Variants in SEMA3A observed in about 807,000 individuals in gnomAD.
SEMA3A encodes semaphorin 3A.
In SEMA3A, 29 loss-of-function variants were observed where a neutral mutation model predicts 97.9. The ratio of observed to expected loss-of-function variants is 0.30; its 90% CI spans 0.22 to 0.40. The LOEUF (loss-of-function observed/expected upper bound fraction) is 0.40. Ranked by LOEUF, SEMA3A falls within the 10% of genes least tolerant of loss-of-function variation. The probability of loss-of-function intolerance (pLI) is 1.00; values close to 1 mark genes in which losing one functional copy is unlikely to be tolerated. For synonymous variants in SEMA3A, 321 were observed against 323.7 expected (o/e 0.99, Z 0.09); for missense variants, 763 against 951.3 (o/e 0.80, Z 2.60).
chr7:84,255,112 T>C (rs1269972446), intron 3 of SEMA3A, among the ~76,000 whole-genome samples: 2 of 152,126 alleles, frequency 1.3e-5, no homozygotes, highest in Non-Finnish European at 2.9e-5. Flanking sequence ...GGACATTACA[T>C]ACCTGGCTAT....
At chr7:84,114,593 G>A (rs574577621) in intron 3 of SEMA3A, among the ~76,000 whole-genome samples, 121 of 70,364 alleles carry the variant, frequency 1.7e-3, no homozygotes, top group Non-Finnish European at 3.5e-3. Flanking sequence ...CCATTAATAA[G>A]CTTAATTCCT....
intron 1 of SEMA3A, among the ~76,000 whole-genome samples, chr7:84,374,028 G>C (rs567748283): frequency 6.6e-6 from 1 of 152,134 alleles, no homozygotes; most frequent in South Asian, 2.1e-4. Context: ...GAAAAAGCAT[G>C]GTCAACAAGG....
chr7:84,201,210 A>G (rs1403570367), intron 3 of SEMA3A, among the ~76,000 whole-genome samples: 5 of 152,096 alleles, frequency 3.3e-5, no homozygotes, highest in African/African-American at 2.4e-5. Context: ...TACAATCTCT[A>G]TGGCCTAGGA....
At chr7:84,064,228 T>C (rs1304722100) in intron 4 of SEMA3A, among the ~76,000 whole-genome samples, 3 of 151,990 alleles carry the variant, frequency 2.0e-5, no homozygotes, top group Admixed American at 6.6e-5. Flanking sequence ...CTGAGAGATT[T>C]TGTCACCACC....
Position 84,378,719 on chromosome 7 carries a change from A to G in SEMA3A, c.-245-6819T>C, listed in dbSNP as rs1231317026. On this transcript the variant is annotated intron_variant, in intron 1 of 3. Transcript: ENST00000424555. ...ACTTAAAGTATAATGTTAAAAAAAGAATATATATATATACAGTGAATTTAG... is the reference window on the plus strand; with the variant it reads ...ACTTAAAGTATAATGTTAAAAAAAGGATATATATATATACAGTGAATTTAG... 2.0e-5 allele frequency among the ~76,000 whole-genome samples: 3 copies of G among 151,790 alleles called. No individual in the cohort carries two copies. In the East Asian group the frequency reaches 5.8e-4, roughly 29 times the overall value.
intron 2 of SEMA3A, among the ~76,000 whole-genome samples, chr7:84,347,079 T>C (rs1244088690): frequency 6.6e-6 from 1 of 152,192 alleles, no homozygotes; most frequent in Non-Finnish European, 1.5e-5. Context: ...TTTACCTGTA[T>C]TATTTGTGAA....
At chr7:84,489,668 CAG>C (rs1412906380) in intron 1 of SEMA3A, among the ~76,000 whole-genome samples, 1 of 152,112 alleles carries the variant, frequency 6.6e-6, no homozygotes, top group Non-Finnish European at 1.5e-5. Context: ...GCCCATTTTA[CAG>C]AGTTACTAGA....
At chr7:84,056,847 T>A (rs1439083499) in intron 5 of SEMA3A, among the ~76,000 whole-genome samples, 1 of 152,208 alleles carries the variant, frequency 6.6e-6, no homozygotes, top group East Asian at 1.9e-4. Flanking sequence ...CCTCCCAGCC[T>A]TTCTACAGGC....
chr7:84,014,270 T>G lies in SEMA3A; in HGVS notation c.749A>C (p.Asn250Thr), dbSNP rs1388364983. The G allele has an allele frequency of 6.2e-6, 10 of 1,613,318 alleles. No individual in the cohort carries two copies. In the Admixed American group the frequency reaches 1.7e-4, roughly 27 times the overall value. Residue 250 changes from asparagine to threonine, a missense_variant, in exon 7 of 17, where the codon AAT (asparagine) becomes ACT (threonine). By Grantham distance (65) the Asn-to-Thr change is moderately conservative. Around this residue, in one of 2 missense-constraint regions of SEMA3A, gnomAD observed 678 missense variants for 881.3 expected, o/e 0.77. Transcript: ENST00000265362. The stretch of plus-strand genomic sequence containing the variant: ...TCCAGAGTGTTCTCCATCTATTGCA[T>G]TTTCACGGAAGAAAAAGTATACTTT... ...DDKVYFFFRE[N>T]AIDGEHSGKA...
At chr7:84,349,333 GAAAACCTGCAATATCCTC>G (rs912320363) in intron 2 of SEMA3A, among the ~76,000 whole-genome samples, 2 of 151,708 alleles carry the variant, frequency 1.3e-5, no homozygotes, top group African/African-American at 4.9e-5. Context: ...AAATATTTTG[GAAAACCTGCAATATCCTC>G]AAATATGGTA....
rs374172614 is a variant in SEMA3A at position 84,354,889 on chromosome 7, A to G, written c.-169+16935T>C. On this transcript the variant is annotated intron_variant, in intron 2 of 3. Coordinates refer to the SEMA3A transcript ENST00000424555. ...AATTTGGGTCATTTCTACAAAAATG[A>G]TATGAAAATATGGTATCATTCTTCA... Among the ~76,000 whole-genome samples, 10 of 151,862 alleles carry G rather than the reference A, an allele frequency of 6.6e-5. 2 individuals are homozygous for G. The highest frequency in any genetic ancestry group is 6.6e-5 in the Admixed American group (1 of 15,194).
chr7:84,135,166 G>C (rs1023476554), intron 1 of SEMA3A, among the ~76,000 whole-genome samples: 1 of 150,404 alleles, frequency 6.6e-6, no homozygotes, highest in Non-Finnish European at 1.5e-5. Flanking sequence ...GCCCAGGTTG[G>C]AGTACAATGG....
chr7:84,212,886 G>A (rs1231687073), intron 3 of SEMA3A, among the ~76,000 whole-genome samples: 1 of 152,076 alleles, frequency 6.6e-6, no homozygotes, highest in Non-Finnish European at 1.5e-5. Flanking sequence ...TTAAAAATAA[G>A]TAGTACATAA....
At chr7:84,338,803 T>C (rs984118771) in intron 2 of SEMA3A, among the ~76,000 whole-genome samples, 1 of 152,164 alleles carries the variant, frequency 6.6e-6, no homozygotes, top group African/African-American at 2.4e-5. Context: ...AATTTGCCAA[T>C]GTAGTTTTCT....
At chr7:84,318,351 C>A (rs1439326378) in intron 2 of SEMA3A, among the ~76,000 whole-genome samples, 2 of 99,136 alleles carry the variant, frequency 2.0e-5, no homozygotes, top group Non-Finnish European at 3.7e-5. Context: ...GAGACGGAGT[C>A]TCGCTCTGTC....
intron 7 of SEMA3A, among the ~76,000 whole-genome samples, chr7:84,013,737 C>T (rs904857668): frequency 1.3e-5 from 2 of 152,186 alleles, no homozygotes; most frequent in East Asian, 1.9e-4. Context: ...ATCCCAGCTA[C>T]TTGGGAGGCT....
Position 84,410,306 on chromosome 7 carries a change from T to C in SEMA3A, c.-245-38406A>G, listed in dbSNP as rs1021952455. On this transcript the variant is annotated intron_variant, in intron 1 of 3. Coordinates refer to the SEMA3A transcript ENST00000424555. ...TATTTTTCATTTGTTGAGAATTGAG[T>C]GCAGTTTTTCATCAGGGGGTCATTT... is the stretch of plus-strand genomic sequence containing the variant. 1.7e-4 allele frequency among the ~76,000 whole-genome samples: 26 copies of C among 152,124 alleles called. No homozygotes were observed. In the South Asian group the frequency reaches 2.3e-3, roughly 13 times the overall value.
intron 15 of SEMA3A, 152 bp from the exon 16 acceptor site, chr7:83,963,499 G>C (rs774985663): frequency 1.3e-6 from 1 of 795,236 alleles, no homozygotes; most frequent in Non-Finnish European, 2.0e-6. Flanking sequence ...AGTGATGTAA[G>C]GTTTCAGAGC....
chr7:84,085,285 AG>A (rs1445353551), intron 4 of SEMA3A, among the ~76,000 whole-genome samples: 2 of 151,720 alleles, frequency 1.3e-5, no homozygotes, highest in Non-Finnish European at 2.9e-5. Flanking sequence ...GAAGTTTAGG[AG>A]GAGCAAAGGG....
Sources: gnomAD v4.1 joint callset for allele counts (sites outside exome capture counted in the v4.1 genomes callset) on GRCh38, gnomAD v4.1.1 for gene constraint, gnomAD v4.1.1 regional missense constraint, MANE v1.5 for transcripts, NCBI Gene and HGNC (gene_info 2026-07-23, HGNC 2026-07-21) for gene names.